ECH1: variants seen among roughly 807,000 people sequenced by gnomAD.
ECH1 encodes delta(3,5)-Delta(2,4)-dienoyl-CoA isomerase, mitochondrial.
A neutral mutation model predicts 37.0 loss-of-function variants in ECH1; 30 were observed. That is an observed-to-expected ratio of 0.81 (90% CI 0.61 to 1.10). ECH1 has a LOEUF of 1.10. Among genes scored for constraint, ECH1 ranks in the 50% least tolerant of loss-of-function variants. ECH1 has a pLI of 0.00. For synonymous variants in ECH1, 178 were observed against 176.0 expected (o/e 1.01, Z -0.09); for missense variants, 456 against 441.6 (o/e 1.03, Z -0.29).
chr19:38,818,901 C>CTGTGTGTGTGTGTG (rs761871749), intron 3 of ECH1, among the ~76,000 whole-genome samples: 109 of 133,598 alleles, frequency 8.2e-4, no homozygotes, highest in Middle Eastern at 3.7e-3. Context: ...GCCTCCAACT[C>CTGTGTGTGTGTGTG]TGTGTGTGTG....
intron 3 of ECH1, among the ~76,000 whole-genome samples, chr19:38,818,890 G>A (rs904241839): frequency 5.0e-5 from 7 of 139,372 alleles, no homozygotes; most frequent in African/African-American, 1.9e-4. Flanking sequence ...TGGGCACACT[G>A]GCCTCCAACT....
At chr19:38,829,285 CAAAAA>C (rs35813067) in intron 3 of ECH1, among the ~76,000 whole-genome samples, 3 of 64,242 alleles carry the variant, frequency 4.7e-5, no homozygotes, top group African/African-American at 5.8e-5. Flanking sequence ...ACTCCTTCTC[CAAAAA>C]AAAAAAAAAA....
chr19:38,818,095 C>T (rs760302060), intron 3 of ECH1: 29 of 510,578 alleles, frequency 5.7e-5, no homozygotes, highest in East Asian at 1.5e-4. Flanking sequence ...TGGGCTCAAG[C>T]GATCCTCCCA....
At position 38,815,427 on chromosome 19, in the gene ECH1, T is replaced by C; in HGVS notation, c.*186A>G. On this transcript the variant is annotated 3_prime_UTR_variant, in exon 10 of 10. Transcript: ENST00000221418. ...TATCCAAGAAGGGCACCAGGTTCTT[T>C]ACTTTGCTTTATTGTTTGTGGGGTG... 1 of 603,722 alleles carries C rather than the reference T, an allele frequency of 1.7e-6. No individual in the cohort carries two copies. The highest frequency in any genetic ancestry group is 2.9e-5 in the East Asian group (1 of 34,560). 37.4% of individuals were successfully genotyped at this position (603,722 alleles called of 1,614,324 possible).
At chr19:38,816,199 C>A in intron 8 of ECH1, 85 bp downstream of exon 8, 2 of 1,544,336 alleles carry the variant, frequency 1.3e-6, no homozygotes, top group Non-Finnish European at 1.8e-6. Context: ...AATTCTAGAG[C>A]GAGGAGACAA....
At chr19:38,826,381 C>T (rs1202137111) in intron 3 of ECH1, among the ~76,000 whole-genome samples, 1 of 152,208 alleles carries the variant, frequency 6.6e-6, no homozygotes, top group Non-Finnish European at 1.5e-5. Context: ...AAGGCAATAT[C>T]CCTTAAAGCC....
Position 38,817,352 on chromosome 19 carries a change from C to T in ECH1, c.487G>A (p.Val163Met), listed in dbSNP as rs748795212. ...CAGCCCCCATGGACGGCAGCAATCA[C>T]GGGCTTGGGGCACTGAGAGGGAACA... ...FNVIERCPKPVIAAVHGGCIG... is the reference protein window; with the variant it reads ...FNVIERCPKPMIAAVHGGCIG... The change falls in exon 5 of 10, where the codon GTG becomes ATG. Residue 163 changes from valine to methionine, a missense_variant. By Grantham distance (21) the Val-to-Met change is conservative (BLOSUM62 1). Transcript: ENST00000221418. 7 of 1,588,184 alleles carry T rather than the reference C, an allele frequency of 4.4e-6. No individual in the cohort carries two copies. Among genetic ancestry groups the T allele is most frequent in the Admixed American group, 3.6e-5 (2 of 55,348 alleles).
chr19:38,831,201 C>T, intron 2 of ECH1, 35 bp from the exon 3 acceptor site: 1 of 1,611,868 alleles, frequency 6.2e-7, no homozygotes, highest in Non-Finnish European at 8.5e-7. Flanking sequence ...ACAAATGGGG[C>T]GGGAATACCC....
chr19:38,823,552 C>A (rs543775737), intron 3 of ECH1, among the ~76,000 whole-genome samples: 1 of 152,296 alleles, frequency 6.6e-6, no homozygotes, highest in South Asian at 2.1e-4. Context: ...AAAGGGCTCT[C>A]TAACAACTCC....
chr19:38,820,788 C>T (rs917580885), intron 3 of ECH1, among the ~76,000 whole-genome samples: 2 of 152,054 alleles, frequency 1.3e-5, no homozygotes, highest in Admixed American at 6.6e-5. Context: ...GACCTGGGCC[C>T]GGCACAGCCA....
chr19:38,816,273 C>T lies in ECH1; in HGVS notation c.731+11G>A, dbSNP rs747056032. The T allele has an allele frequency of 1.8e-5, 29 of 1,612,510 alleles. 1 individual carries two copies. In the South Asian group the frequency reaches 3.2e-4, roughly 18 times the overall value. On this transcript the variant is annotated intron_variant, in intron 8 of 9. Transcript: ENST00000221418. Reference sequence around the variant, plus strand: ...GCCCCCAGCACTGAGCTACCACGGCCATGGCCCTACCTGACCAGCCCACTG... The same window carrying T: ...GCCCCCAGCACTGAGCTACCACGGCTATGGCCCTACCTGACCAGCCCACTG...
chr19:38,815,534 G>C lies in ECH1; in HGVS notation c.*79C>G. 7.2e-7 allele frequency: 1 copy of C among 1,392,900 alleles called. No homozygotes were observed. The highest frequency in any genetic ancestry group is 1.0e-6 in the Non-Finnish European group (1 of 985,108). The allele number at this position is 1,392,900 out of a possible 1,614,324, so 86.3% of individuals were successfully genotyped here. ...TGGGTCAGAAGGCATAGAAACAACTGTCATCGCCCATCCTCCCTTTCTGTG... is the reference window on the plus strand; with the variant it reads ...TGGGTCAGAAGGCATAGAAACAACTCTCATCGCCCATCCTCCCTTTCTGTG... On this transcript the variant is annotated 3_prime_UTR_variant, in exon 10 of 10. Transcript: ENST00000221418.
At chr19:38,821,823 G>A (rs1014864833) in intron 3 of ECH1, among the ~76,000 whole-genome samples, 12 of 152,230 alleles carry the variant, frequency 7.9e-5, no homozygotes, top group East Asian at 1.9e-4. Flanking sequence ...CCCGAGGAGC[G>A]CCACCCCCTG....
rs1031902614 is a variant in ECH1, at chr19:38,819,296, C to T, written c.350-1721G>A. The T allele has an allele frequency of 5.9e-6, 5 of 852,764 alleles. No individual in the cohort carries two copies. In the African/African-American group the frequency reaches 7.4e-5, roughly 13 times the overall value. 52.8% of individuals were successfully genotyped at this position (852,764 alleles called of 1,614,324 possible). On this transcript the variant is annotated intron_variant, in intron 3 of 9. Coordinates refer to ENST00000221418, the MANE Select transcript of ECH1 (RefSeq NM_001398.3). Reference sequence around the variant, plus strand: ...CCTTTGGGCTGACAACCATCCCTCCCTCTTCAACAGCCACAGACTGACTCC... The same window carrying T: ...CCTTTGGGCTGACAACCATCCCTCCTTCTTCAACAGCCACAGACTGACTCC...
intron 5 of ECH1, 50 bp downstream of exon 5, chr19:38,817,252 CGCGGCATCGGAGCA>C: frequency 6.5e-7 from 1 of 1,531,724 alleles, no homozygotes; most frequent in Non-Finnish European, 8.8e-7. Context: ...TGCCAGTGGC[CGCGGCATCGGAGCA>C]GCAGCCCCAC....
intron 3 of ECH1, among the ~76,000 whole-genome samples, chr19:38,827,855 T>C (rs1313198634): frequency 6.6e-6 from 1 of 152,058 alleles, no homozygotes; most frequent in Non-Finnish European, 1.5e-5. Flanking sequence ...AAGGTCTCAG[T>C]GTGTTGCCCT....
intron 3 of ECH1, 107 bp downstream of exon 3, chr19:38,830,971 A>AAAATT: frequency 1.0e-6 from 1 of 971,532 alleles, no homozygotes; most frequent in African/African-American, 1.7e-5. Flanking sequence ...AAAAAAAAAA[A>AAAATT]GTGTGTAAGT....
chr19:38,818,188 C>A, intron 3 of ECH1: 4 of 969,008 alleles, frequency 4.1e-6, no homozygotes, highest in Non-Finnish European at 4.9e-6. Context: ...TGGAACCATG[C>A]AGCTGGCTCC....
chr19:38,818,203 G>A, intron 3 of ECH1: 1 of 983,646 alleles, frequency 1.0e-6, no homozygotes, highest in Non-Finnish European at 1.2e-6. Context: ...GGCTCCAGAG[G>A]CCATGCTTTT....
Sources: gnomAD v4.1 joint callset for allele counts (sites outside exome capture counted in the v4.1 genomes callset) on GRCh38, gnomAD v4.1.1 for gene constraint, MANE v1.5 for transcripts, NCBI Gene and HGNC (gene_info 2026-07-23, HGNC 2026-07-21) for gene names.